MTTP: variants seen among roughly 807,000 people sequenced by gnomAD.
MTTP encodes the protein microsomal triglyceride transfer protein.
MTTP carries 49 observed loss-of-function variants against 90.6 expected under a neutral mutation model. The ratio of observed to expected loss-of-function variants is 0.54; its 90% CI spans 0.43 to 0.69. The LOEUF is 0.69. MTTP is among the 30% of genes least tolerant of loss of function. MTTP has a pLI of 0.00. For synonymous variants in MTTP, 347 were observed against 384.2 expected (o/e 0.90, Z 1.13); for missense variants, 945 against 1,067.5 (o/e 0.89, Z 1.60).
At chr4:99,612,629 G>C (rs915694771) in intron 14 of MTTP, among the ~76,000 whole-genome samples, 2 of 152,112 alleles carry the variant, frequency 1.3e-5, no homozygotes, top group Admixed American at 1.3e-4. Context: ...TCCCGCCTCT[G>C]ACATTTATTA....
Position 99,612,822 on chromosome 4 carries a change from G to C in MTTP, c.1990-91G>C, listed in dbSNP as rs906828381. 87 of 1,258,864 alleles carry C rather than the reference G, an allele frequency of 6.9e-5. No individual in the cohort carries two copies. In the South Asian group the frequency reaches 1.0e-3, roughly 15 times the overall value. 78.0% of individuals were successfully genotyped at this position (1,258,864 alleles called of 1,614,324 possible). A position where few individuals can be genotyped will look rare whatever the true frequency, so the allele number is the denominator to read the frequency against. ...CAAATATTTAAGTTTTTGGCCCCTT[G>C]AGAAGTTCTAGCTGCAGCTCAGAAG... On this transcript the variant is annotated intron_variant, in intron 14 of 17. Transcript: ENST00000265517.
chr4:99,594,790 G>A lies in MTTP; in HGVS notation c.816G>A (p.Gln272=). 6.2e-7 allele frequency: 1 copy of A among 1,614,060 alleles called. No homozygotes were observed. The highest frequency in any genetic ancestry group is 8.5e-7 in the Non-Finnish European group (1 of 1,179,944). The change falls in exon 7 of 18, where the codon CAG becomes CAA. Residue 272 remains glutamine, a synonymous_variant. Coordinates refer to ENST00000265517, the MANE Select transcript of MTTP (RefSeq NM_001386140.1). ...GCCCAAGATTGATGTCTGGAAAGCAGGCTGCAGCCATAATCAAAGCAGTTG... is the reference window on the plus strand; with the variant it reads ...GCCCAAGATTGATGTCTGGAAAGCAAGCTGCAGCCATAATCAAAGCAGTTG... The part of the protein sequence containing the change: ...EAGPRLMSGK[Q]AAAIIKAVDS...
intron 16 of MTTP, among the ~76,000 whole-genome samples, 196 bp downstream of exon 16, chr4:99,619,294 A>T (rs1726175290): frequency 6.6e-6 from 1 of 152,212 alleles, no homozygotes; most frequent in African/African-American, 2.4e-5. Flanking sequence ...GTCAGTACCT[A>T]ATATGACTCA....
intron 14 of MTTP, 106 bp downstream of exon 14, chr4:99,611,559 A>T: frequency 7.0e-7 from 1 of 1,437,996 alleles, no homozygotes; most frequent in East Asian, 2.3e-5. Flanking sequence ...GTATAAGTTA[A>T]TGGTGGCTTC....
chr4:99,613,204 T>C lies in MTTP; in HGVS notation c.2217+64T>C, dbSNP rs567520507. 5.7e-6 allele frequency: 8 copies of C among 1,399,576 alleles called. No individual in the cohort carries two copies. The South Asian group carries it at 9.8e-5, about 17-fold the overall frequency. The allele number at this position is 1,399,576 out of a possible 1,614,324, so 86.7% of individuals were successfully genotyped here. On this transcript the variant is annotated intron_variant, in intron 15 of 17. Coordinates refer to ENST00000265517, the MANE Select transcript of MTTP (RefSeq NM_001386140.1). ...AAATACGCCAGGCACGTTTTAAATATGCTTAGTTCTTGGAGGATACAAGAC... is the reference window on the plus strand; with the variant it reads ...AAATACGCCAGGCACGTTTTAAATACGCTTAGTTCTTGGAGGATACAAGAC...
chr4:99,607,049 ACT>A (rs1459405752), intron 11 of MTTP, 89 bp downstream of exon 11: 12 of 1,165,816 alleles, frequency 1.0e-5, no homozygotes, highest in African/African-American at 1.5e-5. Context: ...CGCTCAAGTC[ACT>A]CTGTATTTTC....
intron 6 of MTTP, among the ~76,000 whole-genome samples, chr4:99,593,427 C>T (rs1323037640): frequency 6.6e-6 from 1 of 151,800 alleles, no homozygotes; most frequent in Non-Finnish European, 1.5e-5. Flanking sequence ...TAAAAAGTTC[C>T]GTAGTGAAGA....
At chr4:99,597,594 T>A (rs956069965) in intron 8 of MTTP, among the ~76,000 whole-genome samples, 1 of 152,174 alleles carries the variant, frequency 6.6e-6, no homozygotes, top group Non-Finnish European at 1.5e-5. Context: ...CCTGAACAGA[T>A]TTGAGTTCAT....
intron 1 of MTTP, among the ~76,000 whole-genome samples, chr4:99,577,605 CAAA>C (rs10605949): frequency 2.1e-4 from 21 of 101,288 alleles, no homozygotes; most frequent in East Asian, 1.3e-3. Flanking sequence ...AACTCTGTTT[CAAA>C]AAAAAAAAAA....
In MTTP at chr4:99,583,788, A is replaced by G. The variant is rs556419549; in HGVS notation, c.393+271A>G. On this transcript the variant is annotated intron_variant, in intron 3 of 17. Coordinates refer to ENST00000265517, the MANE Select transcript of MTTP (RefSeq NM_001386140.1). ...TTATTTATTGATGAAAGGCATTATTAAAAGGTAAATTTCTCATCAAATTAT... is the reference window on the plus strand; with the variant it reads ...TTATTTATTGATGAAAGGCATTATTGAAAGGTAAATTTCTCATCAAATTAT... 35 of 567,570 alleles carry G rather than the reference A, an allele frequency of 6.2e-5. No individual in the cohort carries two copies. In the East Asian group the frequency reaches 9.7e-4, roughly 16 times the overall value. 35.2% of individuals were successfully genotyped at this position (567,570 alleles called of 1,614,324 possible).
chr4:99,569,815 T>C (rs1231873878), intron 1 of MTTP, among the ~76,000 whole-genome samples: 1 of 152,016 alleles, frequency 6.6e-6, no homozygotes, highest in Non-Finnish European at 1.5e-5. Context: ...TACTAAGATA[T>C]GGTAAATATA....
At chr4:99,580,382 C>T (rs1725074390) in intron 1 of MTTP, among the ~76,000 whole-genome samples, 1 of 151,348 alleles carries the variant, frequency 6.6e-6, no homozygotes, top group Non-Finnish European at 1.5e-5. Context: ...CAAGACCAGC[C>T]TGGCTAACAT....
At chr4:99,566,226 T>G (rs1024503274) in intron 1 of MTTP, among the ~76,000 whole-genome samples, 1 of 147,810 alleles carries the variant, frequency 6.8e-6, no homozygotes, top group Non-Finnish European at 1.5e-5. Flanking sequence ...GAGGCGGAGC[T>G]TGCGGTGAGG....
Position 99,623,486 on chromosome 4 carries a change from C to G in MTTP, c.*638C>G, listed in dbSNP as rs1726296834. ...AATAACATCTCATCTTTCTGCTGAC[C>G]ATTTTAGTGAGGTTGTTCCAAAGAC... On this transcript the variant is annotated 3_prime_UTR_variant, in exon 18 of 18. Transcript: ENST00000265517. 1 of 153,920 alleles carries G rather than the reference C, an allele frequency of 6.5e-6. No individual in the cohort carries two copies. 9.5% of individuals were successfully genotyped at this position (153,920 alleles called of 1,614,324 possible). A position where few individuals can be genotyped will look rare whatever the true frequency, so the allele number is the denominator to read the frequency against.
chr4:99,573,654 T>C (rs1578229419), upstream of MTTP, among the ~76,000 whole-genome samples: 6 of 152,316 alleles, frequency 3.9e-5, no homozygotes, highest in Admixed American at 3.9e-4. Flanking sequence ...GCATTGTGTC[T>C]GTATCAAGTC....
At chr4:99,604,795 G>A (rs1285352127) in intron 10 of MTTP, among the ~76,000 whole-genome samples, 1 of 151,900 alleles carries the variant, frequency 6.6e-6, no homozygotes, top group African/African-American at 2.4e-5. Flanking sequence ...TGACAACTGT[G>A]GTTTTCGAGA....
chr4:99,598,093 G>A (rs1725601840), intron 8 of MTTP, among the ~76,000 whole-genome samples: 1 of 152,128 alleles, frequency 6.6e-6, no homozygotes, highest in Non-Finnish European at 1.5e-5. Context: ...TGAAAAGTCT[G>A]TTTATGCTCA....
At chr4:99,585,708 C>T (rs1351420052) in intron 3 of MTTP, among the ~76,000 whole-genome samples, 1 of 152,088 alleles carries the variant, frequency 6.6e-6, no homozygotes, top group Non-Finnish European at 1.5e-5. Flanking sequence ...TCAGTACCCT[C>T]ACTGTTCAAA....
Position 99,623,149 on chromosome 4 carries a change from T to TA in MTTP, c.*306dup, listed in dbSNP as rs1726283858. On this transcript the variant is annotated 3_prime_UTR_variant, in exon 18 of 18. Coordinates refer to ENST00000265517, the MANE Select transcript of MTTP (RefSeq NM_001386140.1). ...TCTCTAAGAGGAAACTAGTGTTTGT[T>TA]AAAAACAAAAATAAAAACAAAACCA... is the stretch of plus-strand genomic sequence containing the variant. The TA allele has an allele frequency of 7.6e-6, 3 of 395,890 alleles. No individual in the cohort carries two copies. In the South Asian group the frequency reaches 7.7e-5, roughly 10 times the overall value. 24.5% of individuals were successfully genotyped at this position (395,890 alleles called of 1,614,324 possible).
Sources: allele counts gnomAD v4.1 joint callset (sites outside exome capture counted in the v4.1 genomes callset), GRCh38; gene constraint gnomAD v4.1.1; transcripts MANE v1.5; gene names NCBI Gene and HGNC (gene_info 2026-07-23, HGNC 2026-07-21).